Variants in GIMAP4 observed in about 807,000 individuals in gnomAD.
The protein encoded by GIMAP4 is GTPase IMAP family member 4.
Under a neutral mutation model 10.8 loss-of-function variants are expected in GIMAP4, and 12 were observed. The observed-to-expected ratio is 1.11, with a 90% CI of 0.71 to 1.81. The LOEUF is 1.81. Ranked by LOEUF, GIMAP4 falls within the 40% of genes most tolerant of loss-of-function variation. GIMAP4 has a pLI of 0.00. For missense variants in GIMAP4, 412 were observed against 404.6 expected (o/e 1.02, Z -0.16); for synonymous variants, 149 against 147.2 (o/e 1.01, Z -0.09).
At chr7:150,567,579 T>G (rs1795677753) in intron 1 of GIMAP4, 142 bp downstream of exon 1, 2 of 152,152 alleles carry the variant, frequency 1.3e-5, no homozygotes, top group Admixed American at 1.3e-4. Context: ...TTGCTAATTT[T>G]AGGCTGTGAT....
At position 150,573,045 on chromosome 7, in the gene GIMAP4, G is replaced by T; in HGVS notation, c.975G>T (p.Leu325=). The T allele has an allele frequency of 6.3e-7, 1 of 1,586,982 alleles. No homozygotes were observed. The highest frequency in any genetic ancestry group is 1.1e-5 in the South Asian group (1 of 88,274). ...LQIASFILLR[L]FAED is the part of the protein sequence containing the mutation. ...TTGCTTCCTTTATTTTGTTACGTCT[G>T]TTCGCGGAAGATTAAACTTAATGAA... Residue 325 remains leucine, a synonymous_variant, in exon 3 of 3, where the codon CTG becomes CTT. Transcript: ENST00000255945.
chr7:150,567,556 C>T (rs1795677259), intron 1 of GIMAP4, 119 bp downstream of exon 1: 1 of 152,134 alleles, frequency 6.6e-6, no homozygotes, highest in Admixed American at 6.5e-5. Flanking sequence ...TCGCTGGTTC[C>T]CGTTTCCTGG....
In GIMAP4 at chr7:150,572,637, AAAC is replaced by A. The variant is rs1783263315; in HGVS notation, c.573_575del (p.Asn191del). 2 of 1,614,240 alleles carry A rather than the reference AAAC, an allele frequency of 1.2e-6. No individual in the cohort carries two copies. The highest frequency in any genetic ancestry group is 1.7e-5 in the Admixed American group (1 of 60,036). Reference sequence around the variant, plus strand: ...TTTTCGGTGACCGCTACTGTGCGTTAAACAACAAGGCAACAGGCGCTGAGCAGG... The same window carrying A: ...TTTTCGGTGACCGCTACTGTGCGTTAAACAAGGCAACAGGCGCTGAGCAGG... On this transcript the variant is annotated inframe_deletion, in exon 3 of 3. Transcript: ENST00000255945.
In GIMAP4 at chr7:150,572,068, A is replaced by T; in HGVS notation, c.59-61A>T. 4 of 1,087,456 alleles carry T rather than the reference A, an allele frequency of 3.7e-6. No individual in the cohort carries two copies. The South Asian group carries it at 5.9e-5, about 16-fold the overall frequency. 67.4% of individuals were successfully genotyped at this position (1,087,456 alleles called of 1,614,324 possible). A position where few individuals can be genotyped will look rare whatever the true frequency, so the allele number is the denominator to read the frequency against. ...AGGGCACTGGGGGTGAGGACTCTGCAGGGGAATCTATTAGAGGTAGATTCT... is the reference window on the plus strand; with the variant it reads ...AGGGCACTGGGGGTGAGGACTCTGCTGGGGAATCTATTAGAGGTAGATTCT... On this transcript the variant is annotated intron_variant, in intron 2 of 2. Coordinates refer to ENST00000255945, the MANE Select transcript of GIMAP4 (RefSeq NM_018326.3).
Position 150,572,200 on chromosome 7 carries a change from A to C in GIMAP4, c.130A>C (p.Ser44Arg). 1 of 1,614,120 alleles carries C rather than the reference A, an allele frequency of 6.2e-7. No homozygotes were observed. The highest frequency in any genetic ancestry group is 1.1e-5 in the South Asian group (1 of 91,078). Reference protein sequence around the residue: ...VLVGKTGAGKSATGNSILGRK... With the variant: ...VLVGKTGAGKRATGNSILGRK... ...AGTGGGTAAAACCGGAGCAGGAAAA[A>C]GTGCAACAGGAAACAGCATCCTTGG... is the stretch of plus-strand genomic sequence containing the variant. The change falls in exon 3 of 3, where the codon AGT becomes CGT. Residue 44 changes from serine to arginine, a missense_variant. Transcript: ENST00000255945.
In GIMAP4 at chr7:150,572,435, C is replaced by T; in HGVS notation, c.365C>T (p.Pro122Leu). 6.2e-7 allele frequency: 1 copy of T among 1,614,156 alleles called. No individual in the cohort carries two copies. Among genetic ancestry groups the T allele is most frequent in the Non-Finnish European group, 8.5e-7 (1 of 1,179,968 alleles). Reference sequence around the variant, plus strand: ...CCTCATGCTCTGCTTCTGGTGGTTCCACTGGGCCGTTACACTGAGGAAGAG... The same window carrying T: ...CCTCATGCTCTGCTTCTGGTGGTTCTACTGGGCCGTTACACTGAGGAAGAG... ...PGPHALLLVV[P>L]LGRYTEEEHK... Residue 122 changes from proline to leucine, a missense_variant, in exon 3 of 3, where the codon CCA becomes CTA. Physicochemically the swap from Pro to Leu is moderately conservative, Grantham distance 98. Transcript: ENST00000255945.
chr7:150,567,846 G>C (rs1795681022), intron 1 of GIMAP4, among the ~76,000 whole-genome samples: 1 of 152,182 alleles, frequency 6.6e-6, no homozygotes, highest in Non-Finnish European at 1.5e-5. Flanking sequence ...CAGGATTGGA[G>C]GCTCTGCAGT....
In GIMAP4 at chr7:150,572,120, A is replaced by G. The variant is rs183800485; in HGVS notation, c.59-9A>G. ...ACAGCATGGCTTTTTTTTTTTCTTG[A>G]TGTCCCAGGGCCTGGAAGGCAAGAG... On this transcript the variant is annotated splice_polypyrimidine_tract_variant and intron_variant, in intron 2 of 2. Transcript: ENST00000255945. 140 of 1,537,334 alleles carry G rather than the reference A, an allele frequency of 9.1e-5. No individual in the cohort carries two copies. In the African/African-American group the frequency reaches 1.7e-3, roughly 18 times the overall value.
rs575316977 is a variant in GIMAP4, at chr7:150,571,691, GA to G, written c.59-436del. ...AGCTACTTGGGAGGCTGAGGCAGGA[GA>G]ATCGCTTGAACCCAGGAGGCAGAGG... On this transcript the variant is annotated intron_variant, in intron 2 of 2. Coordinates refer to ENST00000255945, the MANE Select transcript of GIMAP4 (RefSeq NM_018326.3). 2.0e-3 allele frequency among the ~76,000 whole-genome samples: 310 copies of G among 152,268 alleles called. 1 individual carries two copies. Among genetic ancestry groups the G allele is most frequent in the African/African-American group, 7.1e-3 (294 of 41,528 alleles).
rs1296027597 is a variant in GIMAP4 at position 150,569,960 on chromosome 7, G to A, written c.58+1G>A. On this transcript the variant is annotated splice_donor_variant, in intron 2 of 2. Transcript: ENST00000255945. LOFTEE classifies it high-confidence loss of function. ...CCCAGCACACCAGGGGCCAGTTATG[G>A]TGAGAGGGCATTCAGTGCTCCCCAG... The A allele has an allele frequency of 1.2e-6, 2 of 1,600,994 alleles. No homozygotes were observed. Among genetic ancestry groups the A allele is most frequent in the Admixed American group, 1.7e-5 (1 of 59,800 alleles).
rs1332622900 is a variant in GIMAP4 at position 150,572,756 on chromosome 7, C to A, written c.686C>A (p.Ala229Glu). 1.2e-6 allele frequency: 2 copies of A among 1,613,890 alleles called. No individual in the cohort carries two copies. The highest frequency in any genetic ancestry group is 2.7e-5 in the African/African-American group (2 of 74,856). The change falls in exon 3 of 3, where the codon GCG (alanine) becomes GAG (glutamate). Residue 229 changes from alanine to glutamate, a missense_variant. Transcript: ENST00000255945. ...TACACTAATAGGATGTACCAAAGGG[C>A]GGAGGAGGAGATCCAGAAGCAAACA... is the stretch of plus-strand genomic sequence containing the variant. ...GCYTNRMYQR[A>E]EEEIQKQTQA...
chr7:150,572,637 A>C lies in GIMAP4; in HGVS notation c.567A>C (p.Leu189Phe). ...TTTTCGGTGACCGCTACTGTGCGTT[A>C]AACAACAAGGCAACAGGCGCTGAGC... ...MDIFGDRYCA[L>F]NNKATGAEQE... Residue 189 changes from leucine (L) to phenylalanine (F), a missense_variant, in exon 3 of 3, where the codon TTA (leucine) becomes TTC (phenylalanine). Coordinates refer to ENST00000255945, the MANE Select transcript of GIMAP4 (RefSeq NM_018326.3). 2 of 1,614,240 alleles carry C rather than the reference A, an allele frequency of 1.2e-6. No individual in the cohort carries two copies. The highest frequency in any genetic ancestry group is 1.7e-6 in the Non-Finnish European group (2 of 1,180,028).
At position 150,572,334 on chromosome 7, in the gene GIMAP4, CATTTT is replaced by C. The variant is rs778366952; in HGVS notation, c.265_269del (p.Ile89ArgfsTer8). On this transcript the variant is annotated frameshift_variant, in exon 3 of 3. Transcript: ENST00000255945. LOFTEE classifies it high-confidence loss of function. ...AACTTGTCGTAGTTGACACACCAGG[CATTTT>C]CGACACAGAGGTGCCCAATGCTGAA... 2.7e-5 allele frequency: 43 copies of C among 1,614,020 alleles called. No homozygotes were observed. In the African/African-American group the frequency reaches 5.5e-4, roughly 21 times the overall value.
intron 2 of GIMAP4, among the ~76,000 whole-genome samples, chr7:150,571,908 T>C (rs1585157385): frequency 6.6e-6 from 1 of 152,362 alleles, no homozygotes; most frequent in Non-Finnish European, 1.5e-5. Flanking sequence ...AAAGGAATCC[T>C]AAAAAGCAAG....
intron 2 of GIMAP4, 55 bp downstream of exon 2, chr7:150,570,014 G>A (rs1441371082): frequency 5.3e-6 from 6 of 1,140,482 alleles, no homozygotes; most frequent in African/African-American, 1.5e-5. Context: ...TAGCAGGTGG[G>A]GGTGGGGGAT....
rs1417473768 is a variant in GIMAP4, at chr7:150,572,957, G to A, written c.887G>A (p.Arg296Lys). The change falls in exon 3 of 3, where the codon AGG becomes AAG. Residue 296 changes from arginine to lysine, a missense_variant. Arg to Lys is a conservative substitution (Grantham distance 26). Coordinates refer to ENST00000255945, the MANE Select transcript of GIMAP4 (RefSeq NM_018326.3). ...GCTCACTATGCTGTAAGGCAGCAAA[G>A]GGCAAGAACGGAAGTGGAGAGTAAG... ...QEAHYAVRQQ[R>K]ARTEVESKDG... 1.9e-6 allele frequency: 3 copies of A among 1,613,736 alleles called. No homozygotes were observed. Among genetic ancestry groups the A allele is most frequent in the South Asian group, 1.1e-5 (1 of 91,076 alleles).
chr7:150,570,705 G>A (rs972708113), intron 2 of GIMAP4, among the ~76,000 whole-genome samples: 6 of 152,146 alleles, frequency 3.9e-5, no homozygotes, highest in Non-Finnish European at 8.8e-5. Flanking sequence ...GACATGTCTG[G>A]TAGTTAGCAA....
In GIMAP4 at chr7:150,573,054, A is replaced by T. The variant is rs1459317035; in HGVS notation, c.984A>T (p.Glu328Asp). The change falls in exon 3 of 3, where the codon GAA becomes GAT. Residue 328 changes from glutamate to aspartate, a missense_variant. Transcript: ENST00000255945. Reference sequence around the variant, plus strand: ...TTATTTTGTTACGTCTGTTCGCGGAAGATTAAACTTAATGAAAATCTGTTT... The same window carrying T: ...TTATTTTGTTACGTCTGTTCGCGGATGATTAAACTTAATGAAAATCTGTTT... Reference protein sequence around the residue: ...ASFILLRLFAED With the variant: ...ASFILLRLFADD 1 of 1,572,948 alleles carries T rather than the reference A, an allele frequency of 6.4e-7. No homozygotes were observed. The highest frequency in any genetic ancestry group is 8.7e-7 in the Non-Finnish European group (1 of 1,151,640).
Position 150,572,527 on chromosome 7 carries a change from T to C in GIMAP4, c.457T>C (p.Phe153Leu). 1 of 1,614,196 alleles carries C rather than the reference T, an allele frequency of 6.2e-7. No individual in the cohort carries two copies. Among genetic ancestry groups the C allele is most frequent in the Non-Finnish European group, 8.5e-7 (1 of 1,180,022 alleles). ...GGCTAGAAGTTTCATGATTCTCATATTCACCCGGAAAGATGACTTAGGTGA... is the reference window on the plus strand; with the variant it reads ...GGCTAGAAGTTTCATGATTCTCATACTCACCCGGAAAGATGACTTAGGTGA... ...ERARSFMILI[F>L]TRKDDLGDTN... Residue 153 changes from phenylalanine to leucine, a missense_variant, in exon 3 of 3, where the codon TTC (phenylalanine) becomes CTC (leucine). Coordinates refer to ENST00000255945, the MANE Select transcript of GIMAP4 (RefSeq NM_018326.3).
Sources: gnomAD v4.1 joint callset for allele counts (sites outside exome capture counted in the v4.1 genomes callset) on GRCh38, gnomAD v4.1.1 for gene constraint, MANE v1.5 for transcripts, NCBI Gene and HGNC (gene_info 2026-07-23, HGNC 2026-07-21) for gene names.